ATM: variants seen among roughly 807,000 people sequenced by gnomAD.
ATM encodes the protein serine-protein kinase ATM.
A neutral mutation model predicts 387.0 loss-of-function variants in ATM; 308 were observed. The observed-to-expected ratio is 0.80, with a 90% CI of 0.73 to 0.87. The LOEUF (loss-of-function observed/expected upper bound fraction) is 0.87. Ranked by LOEUF, ATM falls within the 40% of genes least tolerant of loss-of-function variation. The pLI is 0.00. For missense variants in ATM, 3,312 were observed against 3,560.9 expected (o/e 0.93, Z 1.78); for synonymous variants, 1,156 against 1,187.3 (o/e 0.97, Z 0.54).
intron 18 of ATM, among the ~76,000 whole-genome samples, chr11:108,269,571 C>G (rs763385151): frequency 8.5e-5 from 13 of 152,188 alleles, no homozygotes; most frequent in Admixed American, 2.6e-4. Context: ...CTTATTTGCT[C>G]AACAACCTTA....
intron 47 of ATM, among the ~76,000 whole-genome samples, chr11:108,327,207 G>C (rs1441309508): frequency 6.6e-6 from 1 of 152,150 alleles, no homozygotes; most frequent in Non-Finnish European, 1.5e-5. Context: ...AAAGCACTGA[G>C]TGCCAATATG....
intron 22 of ATM, among the ~76,000 whole-genome samples, chr11:108,274,279 G>C (rs1207732461): frequency 2.0e-5 from 3 of 152,008 alleles, no homozygotes; most frequent in Non-Finnish European, 4.4e-5. Context: ...CTTGCTAGCG[G>C]TCTGTTTTGT....
At chr11:108,265,064 A>G (rs1298855402) in intron 16 of ATM, among the ~76,000 whole-genome samples, 1 of 148,908 alleles carries the variant, frequency 6.7e-6, no homozygotes, top group Non-Finnish European at 1.5e-5. Context: ...TGCCCAAGGT[A>G]ATTTACAGAT....
intron 56 of ATM, among the ~76,000 whole-genome samples, chr11:108,341,965 G>T (rs227073): frequency 6.6e-6 from 1 of 151,988 alleles, no homozygotes; most frequent in Non-Finnish European, 1.5e-5. Context: ...TTAAATTCCT[G>T]GGTATATACC....
chr11:108,305,249 T>A (rs948862743), intron 37 of ATM, among the ~76,000 whole-genome samples: 2 of 152,168 alleles, frequency 1.3e-5, no homozygotes. Context: ...TACGATAGAA[T>A]TTTCATATTT....
intron 50 of ATM, 182 bp from the exon 51 acceptor site, chr11:108,331,262 G>GA (rs1352397347): frequency 3.0e-6 from 4 of 1,347,552 alleles, no homozygotes; most frequent in Non-Finnish European, 3.8e-6. Flanking sequence ...CATTAATCTA[G>GA]AGTACCCATT....
At chr11:108,247,341 A>T (rs1176376465) in intron 8 of ATM, among the ~76,000 whole-genome samples, 1 of 152,126 alleles carries the variant, frequency 6.6e-6, no homozygotes, top group Non-Finnish European at 1.5e-5. Flanking sequence ...CTAACAATGA[A>T]CTTTTTCATT....
rs1298234172 is a variant in ATM, at chr11:108,253,894, T to C, written c.1979T>C (p.Met660Thr). 1.2e-6 allele frequency: 2 copies of C among 1,614,078 alleles called. No homozygotes were observed. Among genetic ancestry groups the C allele is most frequent in the Non-Finnish European group, 8.5e-7 (1 of 1,179,972 alleles). ...ELFLQTTFDK[M>T]DFLTIVRECG... Reference sequence around the variant, plus strand: ...TTTCTTCAGACAACTTTTGACAAGATGGACTTTTTAACCATTGTGAGAGAA... The same window carrying C: ...TTTCTTCAGACAACTTTTGACAAGACGGACTTTTTAACCATTGTGAGAGAA... The change falls in exon 13 of 63, where the codon ATG (methionine) becomes ACG (threonine). Residue 660 changes from methionine to threonine, a missense_variant. Physicochemically the swap from Met to Thr is moderately conservative, Grantham distance 81. Coordinates refer to ENST00000675843, the MANE Select transcript of ATM (RefSeq NM_000051.4).
intron 29 of ATM, among the ~76,000 whole-genome samples, chr11:108,291,641 A>T (rs978417203): frequency 1.3e-5 from 2 of 152,236 alleles, no homozygotes; most frequent in Non-Finnish European, 2.9e-5. Context: ...TGGTCACTGA[A>T]AACTTTGTAC....
At chr11:108,310,389 T>G in intron 39 of ATM, 74 bp downstream of exon 39, 1 of 1,390,692 alleles carries the variant, frequency 7.2e-7, no homozygotes, top group African/African-American at 1.4e-5. Flanking sequence ...TAGTAAAGAT[T>G]TATTTTGCCT....
At chr11:108,231,654 C>T (rs1415658054) in intron 4 of ATM, 1 of 141,650 alleles carries the variant, frequency 7.1e-6, no homozygotes, top group Admixed American at 7.5e-5. Context: ...TGAGATTGTG[C>T]CATTGCACTC....
chr11:108,344,733 G>C (rs1354835104), intron 57 of ATM, among the ~76,000 whole-genome samples: 1 of 152,118 alleles, frequency 6.6e-6, no homozygotes, highest in East Asian at 1.9e-4. Context: ...GGCGGGTGTG[G>C]TAGCGCATGC....
intron 40 of ATM, 28 bp downstream of exon 40, chr11:108,312,526 G>T: frequency 6.8e-7 from 1 of 1,464,864 alleles, no homozygotes; most frequent in South Asian, 1.1e-5. Context: ...TATTATTTAT[G>T]ACAGTATTTA....
At chr11:108,319,488 G>A (rs1401883900) in intron 43 of ATM, among the ~76,000 whole-genome samples, 1 of 152,156 alleles carries the variant, frequency 6.6e-6, no homozygotes, top group Non-Finnish European at 1.5e-5. Flanking sequence ...TATCTTCAGA[G>A]AGGCCTTTCT....
Position 108,279,524 on chromosome 11 carries a change from G to T in ATM, c.3318G>T (p.Arg1106Ser), listed in dbSNP as rs1270253440. ...AGGACACGAAGGGAGATTCTTCCAG[G>T]TTACTGAAAGCACTTCCTTTGAAGC... ...LFQDTKGDSS[R>S]LLKALPLKLQ... Residue 1106 changes from arginine (R) to serine (S), a missense_variant, in exon 23 of 63, where the codon AGG becomes AGT. This residue lies in a region of ATM where 1,791 missense variants were observed against 1,804.5 expected (regional missense o/e 0.99). Coordinates refer to ENST00000675843, the MANE Select transcript of ATM (RefSeq NM_000051.4). 1 of 1,613,192 alleles carries T rather than the reference G, an allele frequency of 6.2e-7. No individual in the cohort carries two copies. Among genetic ancestry groups the T allele is most frequent in the Non-Finnish European group, 8.5e-7 (1 of 1,179,466 alleles).
chr11:108,251,073 G>T lies in ATM; in HGVS notation c.1607+1G>T, dbSNP rs772926890. 1.9e-6 allele frequency: 3 copies of T among 1,613,904 alleles called. No homozygotes were observed. Among genetic ancestry groups the T allele is most frequent in the Non-Finnish European group, 1.7e-6 (2 of 1,179,998 alleles). On this transcript the variant is annotated splice_donor_variant, in intron 10 of 62. Coordinates refer to ENST00000675843, the MANE Select transcript of ATM (RefSeq NM_000051.4). LOFTEE classifies it high-confidence loss of function. ...CTGGGTCAGCCTGCAGACCTTCATG[G>T]TAAGTTCAGCATGCATTATGTCTGA...
intron 59 of ATM, among the ~76,000 whole-genome samples, chr11:108,349,028 G>T (rs1414625362): frequency 6.6e-6 from 1 of 152,160 alleles, no homozygotes. Context: ...GAAGTCACTG[G>T]GCTGGAGGAG....
intron 38 of ATM, chr11:108,308,653 C>T: frequency 4.1e-6 from 1 of 243,670 alleles, no homozygotes; most frequent in South Asian, 6.5e-5. Context: ...GAATCGATGT[C>T]TCATAAGTGT....
rs1800059 is a variant in ATM at position 108,299,779 on chromosome 11, A to G, written c.5071A>G (p.Ser1691Gly). ...IDFSTIAIQH[S>G]KDASYTKALK... ...TTTCTCTACCATAGCTATACAACATAGTAAAGATGCATCTTATACCAAGGC... is the reference window on the plus strand; with the variant it reads ...TTTCTCTACCATAGCTATACAACATGGTAAAGATGCATCTTATACCAAGGC... Residue 1691 changes from serine (S) to glycine (G), a missense_variant, in exon 34 of 63, where the codon AGT becomes GGT. By Grantham distance (56) the Ser-to-Gly change is moderately conservative. This residue lies in a region of ATM where 1,405 missense variants were observed against 1,604.4 expected (regional missense o/e 0.88). Coordinates refer to ENST00000675843, the MANE Select transcript of ATM (RefSeq NM_000051.4). The G allele has an allele frequency of 2.5e-6, 4 of 1,614,058 alleles. No individual in the cohort carries two copies. Among genetic ancestry groups the G allele is most frequent in the Non-Finnish European group, 3.4e-6 (4 of 1,179,948 alleles).
Sources: allele counts gnomAD v4.1 joint callset (sites outside exome capture counted in the v4.1 genomes callset), GRCh38; gene constraint gnomAD v4.1.1; regional missense constraint gnomAD v4.1.1; transcripts MANE v1.5; gene names NCBI Gene and HGNC (gene_info 2026-07-23, HGNC 2026-07-21).